The following PTPRD variants were observed in gnomAD, a reference collection of about 807,000 sequenced individuals.
The protein encoded by PTPRD is receptor-type tyrosine-protein phosphatase delta.
In PTPRD, 34 loss-of-function variants were observed where a neutral mutation model predicts 214.5. The ratio of observed to expected loss-of-function variants is 0.16; its 90% CI spans 0.12 to 0.21. The LOEUF is 0.21. Among genes scored for constraint, PTPRD ranks in the 10% least tolerant of loss-of-function variants. The pLI, the probability that PTPRD is intolerant of heterozygous loss-of-function variation, is 1.00. For missense variants in PTPRD, 2,545 were observed against 2,398.7 expected, an observed-to-expected ratio of 1.06 and a Z score of -1.27; for synonymous variants, 1,128 against 845.7, an observed-to-expected ratio of 1.33 and a Z score of -5.79.
intron 11 of PTPRD, among the ~76,000 whole-genome samples, chr9:8,870,688 A>ACAC (rs1491531253): frequency 5.7e-4 from 2 of 3,508 alleles, no homozygotes; most frequent in Non-Finnish European, 1.1e-3. Flanking sequence ...CAGACATGAA[A>ACAC]CACACACACA....
chr9:8,684,409 A>G lies in PTPRD; in HGVS notation c.65-47565T>C, dbSNP rs75641255. Among the ~76,000 whole-genome samples, 500 of 152,328 alleles carry G rather than the reference A, an allele frequency of 3.3e-3. 4 individuals carry two copies. The highest frequency in any genetic ancestry group is 0.015 in the East Asian group (79 of 5,172). ...ATGTCACACAGCTGACAAGTGAACC[A>G]AGATTGGAACCCAAGTCCCTCTGAC... On this transcript the variant is annotated intron_variant, in intron 12 of 45. Transcript: ENST00000381196.
At chr9:9,432,488 G>A (rs1398105707) in intron 8 of PTPRD, among the ~76,000 whole-genome samples, 1 of 152,116 alleles carries the variant, frequency 6.6e-6, no homozygotes. Context: ...GTTTAAAAAA[G>A]GGCAATATTG....
intron 2 of PTPRD, among the ~76,000 whole-genome samples, chr9:10,593,800 C>G (rs2076045223): frequency 6.6e-6 from 1 of 151,718 alleles, no homozygotes; most frequent in Non-Finnish European, 1.5e-5. Flanking sequence ...AAAACTAAGC[C>G]TATTTGTAAC....
intron 34 of PTPRD, among the ~76,000 whole-genome samples, chr9:8,437,677 C>A (rs2095408190): frequency 6.6e-6 from 1 of 152,138 alleles, no homozygotes; most frequent in South Asian, 2.1e-4. Flanking sequence ...CAATCTACTT[C>A]AGGTGTAAAC....
At chr9:9,393,779 GATTA>G (rs2066732617) in intron 9 of PTPRD, among the ~76,000 whole-genome samples, 1 of 152,136 alleles carries the variant, frequency 6.6e-6, no homozygotes, top group South Asian at 2.1e-4. Context: ...CTGCGGAATG[GATTA>G]AATACTGAAT....
chr9:10,141,819 G>T (rs1437860759), intron 3 of PTPRD, among the ~76,000 whole-genome samples: 1 of 152,096 alleles, frequency 6.6e-6, no homozygotes, highest in Non-Finnish European at 1.5e-5. Context: ...AAAGAACAAA[G>T]CTGGAGGCAT....
At chr9:9,254,224 C>T (rs1180231678) in intron 9 of PTPRD, among the ~76,000 whole-genome samples, 1 of 152,052 alleles carries the variant, frequency 6.6e-6, no homozygotes, top group Non-Finnish European at 1.5e-5. Flanking sequence ...CATTCAGCCA[C>T]TACCCATTCC....
At chr9:8,650,909 C>A (rs1432759809) in intron 12 of PTPRD, among the ~76,000 whole-genome samples, 1 of 151,232 alleles carries the variant, frequency 6.6e-6, no homozygotes. Flanking sequence ...CTCTGCAGAC[C>A]CAAAGCTCTA....
At chr9:8,387,869 G>A (rs1054026230) in intron 37 of PTPRD, among the ~76,000 whole-genome samples, 1 of 152,156 alleles carries the variant, frequency 6.6e-6, no homozygotes, top group African/African-American at 2.4e-5. Flanking sequence ...CACTTGGGAG[G>A]GGAGTTGTTT....
intron 3 of PTPRD, among the ~76,000 whole-genome samples, chr9:10,278,761 GT>G (rs550606488): frequency 3.7e-4 from 54 of 147,680 alleles, no homozygotes; most frequent in East Asian, 1.4e-3. Context: ...GTGGTAAAAG[GT>G]TTTTTTTTTG....
At chr9:8,325,859 C>T (rs1342872456) in intron 44 of PTPRD, among the ~76,000 whole-genome samples, 1 of 152,024 alleles carries the variant, frequency 6.6e-6, no homozygotes, top group East Asian at 1.9e-4. Flanking sequence ...AATGGGAGTT[C>T]ACTCGTGATT....
intron 11 of PTPRD, among the ~76,000 whole-genome samples, chr9:8,941,100 C>T (rs931503740): frequency 2.6e-5 from 4 of 152,122 alleles, no homozygotes; most frequent in African/African-American, 9.7e-5. Context: ...TTTCCTGACC[C>T]TCCCACCAAG....
chr9:8,862,052 A>G (rs1199967579), intron 11 of PTPRD: 1 of 152,198 alleles, frequency 6.6e-6, no homozygotes. Flanking sequence ...CAAACACAGA[A>G]CTAGCACATA....
intron 8 of PTPRD, among the ~76,000 whole-genome samples, chr9:9,467,561 T>C (rs1469320775): frequency 2.6e-5 from 3 of 114,148 alleles, no homozygotes; most frequent in Non-Finnish European, 4.9e-5. Flanking sequence ...CACTCCAGCC[T>C]GGGCGACAGA....
At chr9:10,577,283 T>G (rs1054052274) in intron 2 of PTPRD, among the ~76,000 whole-genome samples, 1 of 152,226 alleles carries the variant, frequency 6.6e-6, no homozygotes, top group African/African-American at 2.4e-5. Context: ...CTTTAGTCAG[T>G]GGAACCAGAA....
At chr9:10,202,691 T>TATATATATATATAC (rs2099432853) in intron 3 of PTPRD, among the ~76,000 whole-genome samples, 1 of 145,898 alleles carries the variant, frequency 6.9e-6, no homozygotes, top group Non-Finnish European at 1.5e-5. Flanking sequence ...TATATATATA[T>TATATATATATATAC]ATATATATGC....
chr9:9,074,484 T>C (rs890126215), intron 10 of PTPRD, among the ~76,000 whole-genome samples: 3 of 152,096 alleles, frequency 2.0e-5, no homozygotes, highest in African/African-American at 7.2e-5. Flanking sequence ...GTGATCAAAA[T>C]TGAGACTTGT....
chr9:10,203,222 A>G (rs1225004000), intron 3 of PTPRD, among the ~76,000 whole-genome samples: 3 of 140,024 alleles, frequency 2.1e-5, no homozygotes. Context: ...GGAAGTATTC[A>G]TGTGTTATTG....
chr9:10,268,451 A>G (rs2094223383), intron 3 of PTPRD, among the ~76,000 whole-genome samples: 1 of 152,140 alleles, frequency 6.6e-6, no homozygotes, highest in Non-Finnish European at 1.5e-5. Context: ...GTTTCAGAGA[A>G]TACGATTCCT....
Sources: allele counts gnomAD v4.1 joint callset (sites outside exome capture counted in the v4.1 genomes callset), GRCh38; gene constraint gnomAD v4.1.1; transcripts MANE v1.5; gene names NCBI Gene and HGNC (gene_info 2026-07-23, HGNC 2026-07-21).